CCT2: variants seen among roughly 807,000 people sequenced by gnomAD.
CCT2 encodes the protein chaperonin containing TCP1 subunit 2.
In CCT2, 18 loss-of-function variants were observed where a neutral mutation model predicts 61.8. That is an observed-to-expected ratio of 0.29 (90% CI 0.20 to 0.43). The LOEUF is 0.43. Ranked by LOEUF, CCT2 falls within the 20% of genes least tolerant of loss-of-function variation. The pLI is 1.00. For missense variants in CCT2, 556 were observed against 656.9 expected (o/e 0.85, Z 1.68); for synonymous variants, 248 against 215.9 (o/e 1.15, Z -1.30).
At chr12:69,586,893 T>G (rs1881681320) in intron 3 of CCT2, 75 bp downstream of exon 3, 1 of 885,674 alleles carries the variant, frequency 1.1e-6, no homozygotes, top group South Asian at 1.7e-5. Context: ...ACAAGCGTAT[T>G]AAAATGCTTT....
chr12:69,588,044 T>A (rs1416162733), intron 5 of CCT2, 38 bp downstream of exon 5: 1 of 1,579,030 alleles, frequency 6.3e-7, no homozygotes, highest in Non-Finnish European at 8.7e-7. Context: ...CCTACTGTGT[T>A]TTTGAGTATC....
At chr12:69,600,250 A>G (rs1159033039) in intron 15 of CCT2, among the ~76,000 whole-genome samples, 1 of 152,230 alleles carries the variant, frequency 6.6e-6, no homozygotes, top group African/African-American at 2.4e-5. Context: ...GGAAAGGTCA[A>G]GTACTGAGGA....
intron 12 of CCT2, 28 bp from the exon 13 acceptor site, chr12:69,597,940 A>G (rs771124775): frequency 6.4e-6 from 10 of 1,570,478 alleles, no homozygotes; most frequent in Non-Finnish European, 8.7e-6. Flanking sequence ...TAAGCATTGC[A>G]ATATTTTATT....
intron 14 of CCT2, 22 bp from the exon 15 acceptor site, chr12:69,599,841 G>A (rs2135861230): frequency 6.3e-7 from 1 of 1,588,134 alleles, no homozygotes; most frequent in East Asian, 2.2e-5. Context: ...CTGCTTTTTA[G>A]TAAATTTGTT....
Position 69,601,468 on chromosome 12 carries a change from A to T in CCT2, c.*143A>T, listed in dbSNP as rs764754417. ...GGATATTTAGCTGACCTTCGCTTTAACATAGGTCTAATTTATTTGCCGTGT... is the reference window on the plus strand; with the variant it reads ...GGATATTTAGCTGACCTTCGCTTTATCATAGGTCTAATTTATTTGCCGTGT... On this transcript the variant is annotated 3_prime_UTR_variant, in exon 16 of 16. Coordinates refer to ENST00000299300, the MANE Select transcript of CCT2 (RefSeq NM_006431.3). 1.8e-4 allele frequency: 271 copies of T among 1,540,954 alleles called. No homozygotes were observed. The highest frequency in any genetic ancestry group is 6.8e-4 in the Middle Eastern group (4 of 5,866).
intron 3 of CCT2, 36 bp from the exon 4 acceptor site, chr12:69,587,469 T>A: frequency 8.5e-7 from 1 of 1,175,474 alleles, no homozygotes; most frequent in Non-Finnish European, 1.3e-6. Context: ...CAAGATGTGC[T>A]TATGTCTTAA....
At position 69,585,529 on chromosome 12, in the gene CCT2, G is replaced by C; in HGVS notation, c.3+5G>C. 6.4e-7 allele frequency: 1 copy of C among 1,570,868 alleles called. No individual in the cohort carries two copies. Among genetic ancestry groups the C allele is most frequent in the Non-Finnish European group, 8.6e-7 (1 of 1,157,134 alleles). ...GCGGAACTCCTCGGAACCATGGTGA[G>C]CCTGACTCCCCTGCCTCTTGCCCTA... On this transcript the variant is annotated splice_donor_5th_base_variant and intron_variant, in intron 1 of 15. Transcript: ENST00000299300.
chr12:69,585,467 G>A lies in CCT2; in HGVS notation c.-55G>A. On this transcript the variant is annotated 5_prime_UTR_variant, in exon 1 of 16. Coordinates refer to ENST00000299300, the MANE Select transcript of CCT2 (RefSeq NM_006431.3). ...CACTTCCGGCTTCCTTCAGTCCGCT[G>A]GTCCCGAGCACGAGCTGTGAGGGGA... 3 of 1,552,278 alleles carry A rather than the reference G, an allele frequency of 1.9e-6. No homozygotes were observed. The highest frequency in any genetic ancestry group is 1.2e-5 in the South Asian group (1 of 84,174).
intron 15 of CCT2, among the ~76,000 whole-genome samples, chr12:69,601,015 C>CTCAGG (rs1882132578): frequency 6.6e-6 from 1 of 152,108 alleles, no homozygotes; most frequent in Non-Finnish European, 1.5e-5. Flanking sequence ...GAGTGGCTAG[C>CTCAGG]TCAGGTCTGT....
At position 69,601,446 on chromosome 12, in the gene CCT2, T is replaced by A. The variant is rs1295433527; in HGVS notation, c.*121T>A. ...TGCCCATTATATCCTTAAGTTTGGA[T>A]ATTTAGCTGACCTTCGCTTTAACAT... On this transcript the variant is annotated 3_prime_UTR_variant, in exon 16 of 16. Coordinates refer to ENST00000299300, the MANE Select transcript of CCT2 (RefSeq NM_006431.3). 1.3e-6 allele frequency: 2 copies of A among 1,588,610 alleles called. No individual in the cohort carries two copies. The highest frequency in any genetic ancestry group is 1.7e-6 in the Non-Finnish European group (2 of 1,169,640).
chr12:69,587,901 T>C (rs1881711939), intron 4 of CCT2, 29 bp from the exon 5 acceptor site: 38 of 1,541,788 alleles, frequency 2.5e-5, no homozygotes, highest in Non-Finnish European at 3.2e-5. Flanking sequence ...AGAAGCAATT[T>C]TGAGTTAATA....
In CCT2 at chr12:69,595,033, G is replaced by T. The variant is rs79200971; in HGVS notation, c.982+1420G>T. ...AGATTTTAGGTCCTTGAAAATGAAT[G>T]AATAGGTTGGAAAGTTGGTTTGGGA... On this transcript the variant is annotated intron_variant, in intron 10 of 15. Coordinates refer to ENST00000299300, the MANE Select transcript of CCT2 (RefSeq NM_006431.3). 4.2e-4 allele frequency among the ~76,000 whole-genome samples: 63 copies of T among 150,136 alleles called. No individual in the cohort carries two copies. The East Asian group carries it at 0.012, about 28-fold the overall frequency.
chr12:69,598,482 T>A, intron 14 of CCT2, 61 bp downstream of exon 14: 1 of 1,058,480 alleles, frequency 9.4e-7, no homozygotes, highest in East Asian at 2.5e-5. Context: ...ACTAAGCTTT[T>A]TTTTTCTTTT....
chr12:69,585,836 T>G, intron 1 of CCT2: 1 of 1,315,648 alleles, frequency 7.6e-7, no homozygotes, highest in Non-Finnish European at 9.7e-7. Context: ...GCCCTCCTTC[T>G]AGGGGCGGAG....
At chr12:69,600,701 T>C (rs1565803436) in intron 15 of CCT2, among the ~76,000 whole-genome samples, 1 of 152,220 alleles carries the variant, frequency 6.6e-6, no homozygotes, top group Non-Finnish European at 1.5e-5. Flanking sequence ...TCTCTCTATA[T>C]GATCCCTGTA....
chr12:69,589,280 C>G, intron 6 of CCT2: 1 of 514,902 alleles, frequency 1.9e-6, no homozygotes, highest in Non-Finnish European at 3.2e-6. Context: ...GCCCCCACCC[C>G]TCTTTTTTTT....
At chr12:69,588,865 G>C (rs1426769279) in intron 6 of CCT2, among the ~76,000 whole-genome samples, 1 of 152,172 alleles carries the variant, frequency 6.6e-6, no homozygotes, top group Non-Finnish European at 1.5e-5. Context: ...CTGTTTTAAG[G>C]CACTTCTATT....
rs560084704 is a variant in CCT2, at chr12:69,586,718, G to A, written c.79-35G>A. ...TAAAACTGTACTTGAAGACTGTAAA[G>A]TTGATTCTGATAATCTCCTTGGTTT... On this transcript the variant is annotated intron_variant, in intron 2 of 15. Coordinates refer to ENST00000299300, the MANE Select transcript of CCT2 (RefSeq NM_006431.3). The A allele has an allele frequency of 5.2e-5, 75 of 1,436,710 alleles. No individual in the cohort carries two copies. In the South Asian group the frequency reaches 9.0e-4, roughly 17 times the overall value. The allele number at this position is 1,436,710 out of a possible 1,614,324, so 89.0% of individuals were successfully genotyped here.
At chr12:69,598,872 C>T (rs928362960) in intron 14 of CCT2, among the ~76,000 whole-genome samples, 1 of 149,746 alleles carries the variant, frequency 6.7e-6, no homozygotes, top group African/African-American at 2.6e-5. Flanking sequence ...TTCTGACAAG[C>T]TGTGCTGGAC....
Sources: gnomAD v4.1 joint callset for allele counts (sites outside exome capture counted in the v4.1 genomes callset) on GRCh38, gnomAD v4.1.1 for gene constraint, MANE v1.5 for transcripts, NCBI Gene and HGNC (gene_info 2026-07-23, HGNC 2026-07-21) for gene names.